KDSR: variants seen among roughly 807,000 people sequenced by gnomAD.
The protein encoded by KDSR is 3-dehydrosphinganine reductase.
A neutral mutation model predicts 41.3 loss-of-function variants in KDSR; 23 were observed. That is an observed-to-expected ratio of 0.56 (90% CI 0.40 to 0.79). KDSR has a LOEUF of 0.79. Ranked by LOEUF, KDSR falls within the 30% of genes least tolerant of loss-of-function variation. KDSR has a pLI of 0.00. For missense variants in KDSR, 351 were observed against 416.8 expected (o/e 0.84, Z 1.37); for synonymous variants, 138 against 151.7 (o/e 0.91, Z 0.66).
chr18:63,346,723 A>G (rs1914514969), intron 6 of KDSR: 1 of 152,190 alleles, frequency 6.6e-6, no homozygotes, highest in South Asian at 2.1e-4. Context: ...CTCTGGCTGG[A>G]TACCTCCAGT....
chr18:63,347,192 A>G (rs1329335712), intron 6 of KDSR, among the ~76,000 whole-genome samples: 1 of 152,038 alleles, frequency 6.6e-6, no homozygotes, highest in African/African-American at 2.4e-5. Flanking sequence ...CAGAAAGACA[A>G]CTGACCACTT....
At chr18:63,338,605 A>G (rs1914252524) in intron 8 of KDSR, among the ~76,000 whole-genome samples, 195 bp downstream of exon 8, 1 of 152,240 alleles carries the variant, frequency 6.6e-6, no homozygotes, top group Admixed American at 6.5e-5. Context: ...ATCAGTTTTC[A>G]GGAGGCTACT....
intron 3 of KDSR, 129 bp from the exon 4 acceptor site, chr18:63,355,692 T>C: frequency 1.5e-6 from 2 of 1,297,908 alleles, no homozygotes; most frequent in Non-Finnish European, 2.0e-6. Context: ...GATTTCAGTG[T>C]TTGCTGATGA....
Position 63,361,017 on chromosome 18 carries a change from A to AAATATATATAT in KDSR, c.199-1226_199-1225insATATATATATT, listed in dbSNP as rs1555715421. 9.1e-4 allele frequency among the ~76,000 whole-genome samples: 97 copies of AAATATATATAT among 106,840 alleles called. 1 individual carries two copies. Among genetic ancestry groups the AAATATATATAT allele is most frequent in the African/African-American group, 2.6e-3 (62 of 23,786 alleles). The allele number at this position is 106,840 out of a possible 152,430, so 70.1% of individuals were successfully genotyped here. On this transcript the variant is annotated intron_variant, in intron 2 of 9. Coordinates refer to ENST00000645214, the MANE Select transcript of KDSR (RefSeq NM_002035.4). ...TAAAAAAAAAATATATATATATATA[A>AAATATATATAT]AATATATAATATATATAATAAAAAT...
intron 9 of KDSR, 81 bp downstream of exon 9, chr18:63,335,176 C>T (rs1485936121): frequency 1.4e-5 from 12 of 865,658 alleles, no homozygotes; most frequent in Middle Eastern, 2.2e-4. Context: ...TTCCCTTAAC[C>T]TCTTCTCATC....
intron 8 of KDSR, among the ~76,000 whole-genome samples, chr18:63,338,338 C>G (rs1394299731): frequency 6.6e-6 from 1 of 152,182 alleles, no homozygotes; most frequent in Non-Finnish European, 1.5e-5. Flanking sequence ...TCTTAAAATA[C>G]CATTTTTGAT....
rs1699155816 is a variant in KDSR at position 63,327,952 on chromosome 18, A to G, written c.*3830T>C. The stretch of plus-strand genomic sequence containing the variant: ...CTACTATCTCCCCTTCAAAATTGCA[A>G]ATCCACAGTTACTGCACTGAAGTAT... On this transcript the variant is annotated 3_prime_UTR_variant, in exon 10 of 10. Coordinates refer to ENST00000645214, the MANE Select transcript of KDSR (RefSeq NM_002035.4). 1 of 203,554 alleles carries G rather than the reference A, an allele frequency of 4.9e-6. No homozygotes were observed. Among genetic ancestry groups the G allele is most frequent in the Non-Finnish European group, 1.0e-5 (1 of 99,392 alleles). 12.6% of individuals were successfully genotyped at this position (203,554 alleles called of 1,614,324 possible). A position where few individuals can be genotyped will look rare whatever the true frequency, so the allele number is the denominator to read the frequency against.
intron 6 of KDSR, among the ~76,000 whole-genome samples, chr18:63,347,109 CT>C (rs555270938): frequency 1.3e-3 from 193 of 152,202 alleles, no homozygotes; most frequent in African/African-American, 4.4e-3. Flanking sequence ...CCTGACCATT[CT>C]CTGTGCCCCC....
At chr18:63,342,815 G>A (rs192591670) in intron 7 of KDSR, among the ~76,000 whole-genome samples, 8 of 152,208 alleles carry the variant, frequency 5.3e-5, no homozygotes, top group Admixed American at 4.6e-4. Flanking sequence ...GATATGGTTC[G>A]GATCTGTGTC....
At chr18:63,354,914 A>G (rs1914755042) in intron 5 of KDSR, among the ~76,000 whole-genome samples, 1 of 152,220 alleles carries the variant, frequency 6.6e-6, no homozygotes, top group East Asian at 1.9e-4. Context: ...GTTCTCTTGA[A>G]AATATGACCT....
intron 7 of KDSR, among the ~76,000 whole-genome samples, chr18:63,342,521 T>C (rs564835160): frequency 1.3e-5 from 2 of 152,370 alleles, no homozygotes; most frequent in African/African-American, 4.8e-5. Flanking sequence ...ATCTCAGTTC[T>C]GTTTGAATCT....
In KDSR at chr18:63,339,517, G is replaced by T. The variant is rs1914281333; in HGVS notation, c.694-634C>A. On this transcript the variant is annotated intron_variant, in intron 7 of 9. Coordinates refer to ENST00000645214, the MANE Select transcript of KDSR (RefSeq NM_002035.4). ...TGGGCTGCATGCTAGTTACCAGGCT[G>T]GAGCTGCAGACCCCAAATCTTAGCC... 3.3e-5 allele frequency among the ~76,000 whole-genome samples: 5 copies of T among 152,354 alleles called. No homozygotes were observed. In the South Asian group the frequency reaches 1.0e-3, roughly 32 times the overall value.
chr18:63,360,460 A>G (rs546634294), intron 2 of KDSR, among the ~76,000 whole-genome samples: 1 of 152,344 alleles, frequency 6.6e-6, no homozygotes, highest in South Asian at 2.1e-4. Flanking sequence ...AGGAGAGGCG[A>G]ATTCTTCCAA....
chr18:63,336,496 A>G (rs1197549322), intron 8 of KDSR, among the ~76,000 whole-genome samples: 2 of 152,238 alleles, frequency 1.3e-5, no homozygotes, highest in Non-Finnish European at 2.9e-5. Context: ...AGAAAAAATT[A>G]AGATTTGGAA....
Position 63,335,263 on chromosome 18 carries a change from G to A in KDSR, c.873C>T (p.Leu291=), listed in dbSNP as rs1475783686. The change falls in exon 9 of 10, where the codon CTC becomes CTT. Residue 291 remains leucine (L), a synonymous_variant. Transcript: ENST00000645214. ...TAGCCTAGGCAGAGCTTACCTGCTG[G>A]AGCCCCTCAGTAATAGAAGTTACTG... ...MAPVTSITEG[L]QQVVTMGLFR... The A allele has an allele frequency of 6.2e-7, 1 of 1,610,302 alleles. No homozygotes were observed. Among genetic ancestry groups the A allele is most frequent in the South Asian group, 1.1e-5 (1 of 90,960 alleles).
At chr18:63,361,972 T>G (rs1021041233) in intron 2 of KDSR, among the ~76,000 whole-genome samples, 4 of 152,338 alleles carry the variant, frequency 2.6e-5, no homozygotes, top group African/African-American at 9.6e-5. Context: ...TCACCCTCCT[T>G]GCACATGGGT....
In KDSR at chr18:63,331,270, GAGAGAGAGAGAGAGAC is replaced by G. The variant is rs1267687992; in HGVS notation, c.*496_*511del. 9 of 149,168 alleles carry G rather than the reference GAGAGAGAGAGAGAGAC, an allele frequency of 6.0e-5. No homozygotes were observed. The highest frequency in any genetic ancestry group is 1.4e-4 in the Admixed American group (1 of 7,352). The allele number at this position is 149,168 out of a possible 1,614,324, so 9.2% of individuals were successfully genotyped here. On this transcript the variant is annotated 3_prime_UTR_variant, in exon 10 of 10. Coordinates refer to ENST00000645214, the MANE Select transcript of KDSR (RefSeq NM_002035.4). ...AATAAAATACACAAAGAAAGAAAGA[GAGAGAGAGAGAGAGAC>G]AGAGAGACAGAGAGACAGAGAGACA...
In KDSR at chr18:63,331,825, A is replaced by G. The variant is rs966730405; in HGVS notation, c.956T>C (p.Met319Thr). ...GSFDSIVRRC[M>T]MQREKSENAD... ...ATTTTCAGATTTTTCTCTCTGCATC[A>G]TGCAGCGACGAACTATGCTGTCAAA... Residue 319 changes from methionine to threonine, a missense_variant, in exon 10 of 10, where the codon ATG (methionine) becomes ACG (threonine). Coordinates refer to ENST00000645214, the MANE Select transcript of KDSR (RefSeq NM_002035.4). The G allele has an allele frequency of 5.0e-6, 8 of 1,613,958 alleles. No individual in the cohort carries two copies. Among genetic ancestry groups the G allele is most frequent in the Non-Finnish European group, 6.8e-6 (8 of 1,179,976 alleles).
At chr18:63,362,892 C>G in intron 1 of KDSR, 24 bp from the exon 2 acceptor site, 1 of 1,539,198 alleles carries the variant, frequency 6.5e-7, no homozygotes, top group Non-Finnish European at 9.0e-7. Flanking sequence ...ATAAAATATT[C>G]TTAGCACTTG....
Sources: allele counts gnomAD v4.1 joint callset (sites outside exome capture counted in the v4.1 genomes callset), GRCh38; gene constraint gnomAD v4.1.1; transcripts MANE v1.5; gene names NCBI Gene and HGNC (gene_info 2026-07-23, HGNC 2026-07-21).